The following IL12RB2 variants were observed in gnomAD, a reference collection of about 807,000 sequenced individuals.
IL12RB2 encodes the protein interleukin 12 receptor subunit beta 2.
Under a neutral mutation model 89.4 loss-of-function variants are expected in IL12RB2, and 82 were observed. The observed-to-expected ratio is 0.92, with a 90% CI of 0.77 to 1.10. The LOEUF (loss-of-function observed/expected upper bound fraction) is 1.10. IL12RB2 is among the 50% of genes least tolerant of loss of function. The pLI is 0.00. For missense variants in IL12RB2, 963 were observed against 1,031.9 expected (o/e 0.93, Z 0.92); for synonymous variants, 368 against 370.1 (o/e 0.99, Z 0.07).
At chr1:67,340,633 T>C (rs764065336) in intron 9 of IL12RB2, among the ~76,000 whole-genome samples, 1 of 152,230 alleles carries the variant, frequency 6.6e-6, no homozygotes, top group Admixed American at 6.5e-5. Context: ...CAGTGCTGCA[T>C]GATGCGTGTT....
chr1:67,333,573 TATGTCATTA>T (rs992045938), intron 8 of IL12RB2, among the ~76,000 whole-genome samples: 1 of 152,148 alleles, frequency 6.6e-6, no homozygotes, highest in Admixed American at 6.5e-5. Flanking sequence ...GGCCCTTTAC[TATGTCATTA>T]AATTCAGCTC....
intron 8 of IL12RB2, among the ~76,000 whole-genome samples, chr1:67,331,995 T>C (rs1285377450): frequency 1.3e-5 from 2 of 152,196 alleles, no homozygotes; most frequent in Non-Finnish European, 2.9e-5. Flanking sequence ...AAAATCTAAA[T>C]TCTTATTTGT....
intron 5 of IL12RB2, 93 bp downstream of exon 5, chr1:67,326,942 A>ATTTTTTTT: frequency 1.5e-6 from 1 of 667,710 alleles, no homozygotes; most frequent in Non-Finnish European, 1.9e-6. Context: ...TTTTTATTTT[A>ATTTTTTTT]TTTTATTTAT....
chr1:67,351,046 T>C lies in IL12RB2; in HGVS notation c.1215T>C (p.Ser405=), dbSNP rs775348317. Reference sequence around the variant, plus strand: ...TGTCTGCAGCAAATTCAAAAGGCAGTTCTCTGCCCACTCGTATTAACATAA... The same window carrying C: ...TGTCTGCAGCAAATTCAAAAGGCAGCTCTCTGCCCACTCGTATTAACATAA... ...VAVSAANSKG[S]SLPTRINIMN... The change falls in exon 10 of 17, where the codon AGT becomes AGC. Residue 405 remains serine, a synonymous_variant. Transcript: ENST00000674203. 6.2e-7 allele frequency: 1 copy of C among 1,613,698 alleles called. No homozygotes were observed. Among genetic ancestry groups the C allele is most frequent in the East Asian group, 2.2e-5 (1 of 44,892 alleles).
At chr1:67,332,056 T>C (rs1157707376) in intron 8 of IL12RB2, among the ~76,000 whole-genome samples, 1 of 152,196 alleles carries the variant, frequency 6.6e-6, no homozygotes, top group Non-Finnish European at 1.5e-5. Flanking sequence ...TTAAGTTGCA[T>C]TTATTTTCTG....
chr1:67,323,137 T>C (rs973489112), intron 4 of IL12RB2, among the ~76,000 whole-genome samples: 1 of 149,538 alleles, frequency 6.7e-6, no homozygotes, highest in East Asian at 1.9e-4. Flanking sequence ...CTGTGACCTA[T>C]AAGGATATAT....
intron 10 of IL12RB2, among the ~76,000 whole-genome samples, chr1:67,367,405 AAAG>A (rs1335526268): frequency 1.3e-5 from 2 of 151,394 alleles, no homozygotes; most frequent in East Asian, 3.9e-4. Context: ...AAGGAAAAAA[AAAG>A]AAAGAGAGAG....
intron 5 of IL12RB2, among the ~76,000 whole-genome samples, chr1:67,327,159 C>T (rs1335762821): frequency 6.6e-6 from 1 of 151,890 alleles, no homozygotes; most frequent in Non-Finnish European, 1.5e-5. Flanking sequence ...CGGGGTTTCA[C>T]CATGTTGGCC....
At chr1:67,356,407 C>T (rs1031282630) in intron 10 of IL12RB2, among the ~76,000 whole-genome samples, 1 of 152,182 alleles carries the variant, frequency 6.6e-6, no homozygotes, top group Non-Finnish European at 1.5e-5. Flanking sequence ...GTCAAGGCAG[C>T]CCTGGAACCT....
intron 9 of IL12RB2, among the ~76,000 whole-genome samples, chr1:67,348,529 C>A (rs970721176): frequency 1.3e-5 from 2 of 152,102 alleles, no homozygotes; most frequent in African/African-American, 4.8e-5. Flanking sequence ...TAAAATGAAT[C>A]ATTGAATTAA....
chr1:67,320,342 G>A lies in IL12RB2; in HGVS notation c.-27G>A, dbSNP rs753181240. The A allele has an allele frequency of 1.5e-5, 25 of 1,613,608 alleles. No homozygotes were observed. The highest frequency in any genetic ancestry group is 5.0e-5 in the Admixed American group (3 of 59,992). On this transcript the variant is annotated 5_prime_UTR_variant, in exon 3 of 17. Coordinates refer to ENST00000674203, the MANE Select transcript of IL12RB2 (RefSeq NM_001374259.2). ...TGTCTTCTTTTGCAAGGAAGAATAC[G>A]GAGTTCTATACCAGAGTTGATTGTT...
At chr1:67,313,564 C>CCTGTAATCTCAG in intron 1 of IL12RB2, among the ~76,000 whole-genome samples, 1 of 152,144 alleles carries the variant, frequency 6.6e-6, no homozygotes, top group Non-Finnish European at 1.5e-5. Flanking sequence ...GTGGCTCATG[C>CCTGTAATCTCAG]CTGTAATCTC....
chr1:67,328,089 C>G (rs1036834334), intron 5 of IL12RB2, 111 bp from the exon 6 acceptor site: 2 of 838,622 alleles, frequency 2.4e-6, no homozygotes, highest in Non-Finnish European at 4.1e-6. Flanking sequence ...TAAGATTGAC[C>G]TTTAAAAATT....
intron 14 of IL12RB2, among the ~76,000 whole-genome samples, chr1:67,381,043 C>T (rs560767102): frequency 6.6e-6 from 1 of 152,288 alleles, no homozygotes; most frequent in Non-Finnish European, 1.5e-5. Context: ...GCTAATATTT[C>T]CTTACCAAAA....
chr1:67,321,584 A>T lies in IL12RB2; in HGVS notation c.77-18A>T. ...TTTATTATCACCAACTAAATATTGC[A>T]TCTGTATCTTATTGCAGATGCGTGC... is the stretch of plus-strand genomic sequence containing the variant. On this transcript the variant is annotated intron_variant, in intron 3 of 16. Transcript: ENST00000674203. The T allele has an allele frequency of 6.5e-7, 1 of 1,543,458 alleles. No individual in the cohort carries two copies.
chr1:67,321,475 T>C (rs1656513792), intron 3 of IL12RB2, 127 bp from the exon 4 acceptor site: 3 of 727,612 alleles, frequency 4.1e-6, no homozygotes, highest in African/African-American at 3.4e-5. Context: ...CAGAGACATG[T>C]AGGTTAATTA....
chr1:67,393,187 G>A (rs1008942287), intron 16 of IL12RB2, among the ~76,000 whole-genome samples: 1 of 152,088 alleles, frequency 6.6e-6, no homozygotes, highest in African/African-American at 2.4e-5. Context: ...GAGCTATCAG[G>A]CCTTCCCTCC....
At chr1:67,320,494 C>A in intron 3 of IL12RB2, 50 bp downstream of exon 3, 2 of 1,611,266 alleles carry the variant, frequency 1.2e-6, no homozygotes, top group Non-Finnish European at 1.7e-6. Context: ...GGTTTAAATT[C>A]TCAGTTACAG....
chr1:67,375,408 TA>T (rs1036634549), intron 13 of IL12RB2, among the ~76,000 whole-genome samples: 1 of 151,518 alleles, frequency 6.6e-6, no homozygotes, highest in Non-Finnish European at 1.5e-5. Context: ...GAGTGAAAAA[TA>T]AAAAGGAAAA....
Sources: allele counts gnomAD v4.1 joint callset (sites outside exome capture counted in the v4.1 genomes callset), GRCh38; gene constraint gnomAD v4.1.1; transcripts MANE v1.5; gene names NCBI Gene and HGNC (gene_info 2026-07-23, HGNC 2026-07-21).